MYO18B: variants seen among roughly 807,000 people sequenced by gnomAD.
The protein encoded by MYO18B is myosin XVIIIB, also known as unconventional myosin-XVIIIb.
Under a neutral mutation model 273.0 loss-of-function variants are expected in MYO18B, and 204 were observed. The ratio of observed to expected loss-of-function variants is 0.75; its 90% CI spans 0.67 to 0.84. The LOEUF (loss-of-function observed/expected upper bound fraction) is 0.84, where lower values mean the gene tolerates loss of function less well. MYO18B is among the 40% of genes least tolerant of loss of function. The probability of loss-of-function intolerance (pLI) is 0.00; values close to 1 mark genes in which losing one functional copy is unlikely to be tolerated. For missense variants in MYO18B, 3,212 were observed against 3,287.6 expected (o/e 0.98, Z 0.56); for synonymous variants, 1,330 against 1,305.7 (o/e 1.02, Z -0.40).
At chr22:25,965,080 C>T (rs1360380734) in intron 39 of MYO18B, 1 of 152,224 alleles carries the variant, frequency 6.6e-6, no homozygotes, top group Non-Finnish European at 1.5e-5. Flanking sequence ...TGGGTGTGAT[C>T]TCCTCACTGA....
intron 22 of MYO18B, among the ~76,000 whole-genome samples, chr22:25,870,216 C>T (rs2091008880): frequency 6.6e-6 from 1 of 152,204 alleles, no homozygotes; most frequent in African/African-American, 2.4e-5. Context: ...TCACGTGTGG[C>T]TTAACAATGG....
At chr22:25,899,383 G>T (rs915131788) in intron 29 of MYO18B, 2 of 152,188 alleles carry the variant, frequency 1.3e-5, no homozygotes, top group African/African-American at 4.8e-5. Flanking sequence ...GTGGGAAGCA[G>T]CCTCTTTTAG....
chr22:25,885,703 C>CA (rs1272757869), intron 25 of MYO18B, among the ~76,000 whole-genome samples: 1 of 151,994 alleles, frequency 6.6e-6, no homozygotes, highest in Non-Finnish European at 1.5e-5. Context: ...AGGACATTTT[C>CA]AAAAAGAGGT....
intron 12 of MYO18B, among the ~76,000 whole-genome samples, chr22:25,816,486 C>G (rs2089012207): frequency 6.6e-6 from 1 of 150,706 alleles, no homozygotes; most frequent in African/African-American, 2.4e-5. Flanking sequence ...ACTGCTATCC[C>G]TCCCCCAGCC....
chr22:25,999,549 TC>T (rs1363628451), intron 40 of MYO18B, among the ~76,000 whole-genome samples: 10 of 20,492 alleles, frequency 4.9e-4, no homozygotes, highest in Non-Finnish European at 9.1e-5. Flanking sequence ...CTCTTCCCCC[TC>T]CCCCTCTTCC....
chr22:25,843,950 C>T, intron 18 of MYO18B, 56 bp downstream of exon 18: 1 of 1,525,812 alleles, frequency 6.6e-7, no homozygotes, highest in Non-Finnish European at 8.9e-7. Flanking sequence ...CTGTGTTTTC[C>T]TTCCCACCTA....
In MYO18B at chr22:25,826,479, T is replaced by C. The variant is rs776878461; in HGVS notation, c.2766T>C (p.Ala922=). 2 of 1,613,762 alleles carry C rather than the reference T, an allele frequency of 1.2e-6. No individual in the cohort carries two copies. Among genetic ancestry groups the C allele is most frequent in the Admixed American group, 3.3e-5 (2 of 60,020 alleles). Residue 922 remains alanine, a synonymous_variant, in exon 14 of 44, where the codon GCT becomes GCC. Transcript: ENST00000335473. ...GCCTGTACCAGGAACTCTTTGCGGCTGTGGTCTCACTCATCAACAGGTAAC... is the reference window on the plus strand; with the variant it reads ...GCCTGTACCAGGAACTCTTTGCGGCCGTGGTCTCACTCATCAACAGGTAAC... ...ASGLYQELFA[A]VVSLINRSFS...
intron 25 of MYO18B, among the ~76,000 whole-genome samples, chr22:25,890,164 G>C (rs1255536835): frequency 6.6e-6 from 1 of 152,222 alleles, no homozygotes; most frequent in African/African-American, 2.4e-5. Context: ...TGAATAGATA[G>C]CTATGGTAAA....
At chr22:25,953,410 C>G (rs1247013893) in intron 38 of MYO18B, 1 of 152,226 alleles carries the variant, frequency 6.6e-6, no homozygotes, top group African/African-American at 2.4e-5. Context: ...GTTACAGGTT[C>G]CAATTTCTCT....
intron 39 of MYO18B, among the ~76,000 whole-genome samples, chr22:25,992,065 G>A (rs192724841): frequency 1.7e-3 from 266 of 152,318 alleles, no homozygotes; most frequent in Admixed American, 5.6e-3. Flanking sequence ...GCGTGGTGGT[G>A]CAGATTCAGA....
intron 24 of MYO18B, among the ~76,000 whole-genome samples, chr22:25,877,552 C>T (rs1318235214): frequency 6.6e-6 from 1 of 152,114 alleles, no homozygotes; most frequent in East Asian, 1.9e-4. Flanking sequence ...ACTGCATCCT[C>T]CATCTCCGGG....
At position 25,926,638 on chromosome 22, in the gene MYO18B, G is replaced by A. The variant is rs148984393; in HGVS notation, c.5517+5229G>A. On this transcript the variant is annotated intron_variant, in intron 34 of 43. Coordinates refer to ENST00000335473, the MANE Select transcript of MYO18B (RefSeq NM_032608.7). The stretch of plus-strand genomic sequence containing the variant: ...AGGACATGTAGGAGGGAATGTGTTC[G>A]AATGCACATGTTAGAACTGTGTTCA... Among the ~76,000 whole-genome samples, 29 of 152,250 alleles carry A rather than the reference G, an allele frequency of 1.9e-4. 1 individual carries two copies. The highest frequency in any genetic ancestry group is 7.8e-4 in the Admixed American group (12 of 15,290).
rs1462724200 is a variant in MYO18B, at chr22:25,761,188, G to T, written c.39+57G>T. On this transcript the variant is annotated intron_variant, in intron 2 of 43. Transcript: ENST00000335473. ...ATCTGCAGGGACTGACTCGACCCTC[G>T]GGAGACAAGTCCGACCTTTCCCACC... 2.5e-6 allele frequency: 4 copies of T among 1,595,444 alleles called. No homozygotes were observed. The African/African-American group carries it at 5.4e-5, about 21-fold the overall frequency.
intron 40 of MYO18B, among the ~76,000 whole-genome samples, chr22:25,996,140 G>A (rs1043795824): frequency 1.3e-5 from 2 of 152,202 alleles, no homozygotes; most frequent in Non-Finnish European, 1.5e-5. Flanking sequence ...TAATTTCTGC[G>A]TGACCTTGGA....
chr22:25,753,242 G>C (rs1172167123), intron 1 of MYO18B, among the ~76,000 whole-genome samples: 3 of 152,142 alleles, frequency 2.0e-5, no homozygotes, highest in Non-Finnish European at 4.4e-5. Context: ...CGGGTGTGGG[G>C]GGGGCGGGGG....
intron 31 of MYO18B, 114 bp from the exon 32 acceptor site, chr22:25,908,208 T>C: frequency 1.3e-6 from 1 of 790,898 alleles, no homozygotes; most frequent in Non-Finnish European, 2.1e-6. Context: ...ATAACTTGAC[T>C]CTCATTTATG....
chr22:25,909,377 T>G (rs1229948724), intron 32 of MYO18B, among the ~76,000 whole-genome samples: 1 of 152,220 alleles, frequency 6.6e-6, no homozygotes, highest in Non-Finnish European at 1.5e-5. Context: ...CAAGATGGGT[T>G]TTAGCTTTTC....
chr22:25,762,949 C>T (rs2086374269), intron 2 of MYO18B: 1 of 596,564 alleles, frequency 1.7e-6, no homozygotes, highest in Non-Finnish European at 3.3e-6. Flanking sequence ...CAGCCTTGAC[C>T]ATACAAGTGA....
intron 39 of MYO18B, among the ~76,000 whole-genome samples, chr22:25,960,264 G>A (rs1003820689): frequency 2.2e-4 from 34 of 152,254 alleles, no homozygotes; most frequent in African/African-American, 8.2e-4. Context: ...TCATTAGAGC[G>A]ATGAAGCAAC....
Sources: allele counts gnomAD v4.1 joint callset (sites outside exome capture counted in the v4.1 genomes callset), GRCh38; gene constraint gnomAD v4.1.1; transcripts MANE v1.5; gene names NCBI Gene and HGNC (gene_info 2026-07-23, HGNC 2026-07-21).